The following LRMDA variants were observed in gnomAD, a reference collection of about 807,000 sequenced individuals.
LRMDA encodes leucine rich melanocyte differentiation associated, also known as leucine-rich melanocyte differentiation-associated protein.
Under a neutral mutation model 29.8 loss-of-function variants are expected in LRMDA, and 18 were observed. That is an observed-to-expected ratio of 0.60 (90% CI 0.42 to 0.90). The LOEUF (loss-of-function observed/expected upper bound fraction) is 0.90. LRMDA is among the 40% of genes least tolerant of loss of function. The pLI, the probability that LRMDA is intolerant of heterozygous loss-of-function variation, is 0.00. For missense variants in LRMDA, 273 were observed against 273.9 expected (o/e 1.00, Z 0.02); for synonymous variants, 125 against 109.4 (o/e 1.14, Z -0.89).
intron 2 of LRMDA, among the ~76,000 whole-genome samples, chr10:75,691,262 G>GTATATATA (rs3041681): frequency 7.1e-6 from 1 of 141,088 alleles, no homozygotes; most frequent in African/African-American, 2.6e-5. Flanking sequence ...ATGTATATGT[G>GTATATATA]TATATATATA....
intron 2 of LRMDA, among the ~76,000 whole-genome samples, chr10:75,863,311 C>A (rs1844963759): frequency 6.6e-6 from 1 of 152,166 alleles, no homozygotes; most frequent in African/African-American, 2.4e-5. Context: ...TTTAATCTGT[C>A]TGCACATATA....
chr10:76,520,513 C>T (rs1267336477), intron 6 of LRMDA, among the ~76,000 whole-genome samples: 1 of 152,038 alleles, frequency 6.6e-6, no homozygotes, highest in Non-Finnish European at 1.5e-5. Flanking sequence ...CTTGTCCAAT[C>T]TCTGATATAT....
chr10:75,444,604 A>G (rs1004100920), intron 2 of LRMDA, among the ~76,000 whole-genome samples: 1 of 152,218 alleles, frequency 6.6e-6, no homozygotes, highest in African/African-American at 2.4e-5. Flanking sequence ...GGCAGGGGGC[A>G]TGACATTTTG....
chr10:76,276,692 T>C (rs1418300084), intron 5 of LRMDA, among the ~76,000 whole-genome samples: 1 of 152,240 alleles, frequency 6.6e-6, no homozygotes, highest in East Asian at 1.9e-4. Context: ...GTATATTTAG[T>C]AATTTTTGGC....
At chr10:76,059,479 T>A (rs960647771) in intron 5 of LRMDA, among the ~76,000 whole-genome samples, 1 of 152,188 alleles carries the variant, frequency 6.6e-6, no homozygotes, top group Non-Finnish European at 1.5e-5. Context: ...GACTATCTCT[T>A]TGGGAGGAGT....
chr10:75,862,425 C>T (rs1487966124), intron 2 of LRMDA, among the ~76,000 whole-genome samples: 1 of 152,156 alleles, frequency 6.6e-6, no homozygotes, highest in Non-Finnish European at 1.5e-5. Flanking sequence ...CATTAGGGCA[C>T]AGTCCCTTCC....
intron 6 of LRMDA, among the ~76,000 whole-genome samples, chr10:76,530,171 TGCA>T (rs970977250): frequency 6.6e-6 from 1 of 152,176 alleles, no homozygotes; most frequent in African/African-American, 2.4e-5. Flanking sequence ...CCAACTGGAA[TGCA>T]GGAAGAGTCT....
intron 5 of LRMDA, among the ~76,000 whole-genome samples, chr10:76,140,187 G>A (rs549114568): frequency 3.3e-5 from 5 of 152,020 alleles, no homozygotes; most frequent in Non-Finnish European, 7.4e-5. Flanking sequence ...GAGAAGCGCC[G>A]ACAACAGAAT....
intron 4 of LRMDA, among the ~76,000 whole-genome samples, chr10:76,047,769 C>G (rs898974283): frequency 6.6e-6 from 1 of 152,198 alleles, no homozygotes; most frequent in African/African-American, 2.4e-5. Flanking sequence ...TCAGAGTCAT[C>G]TTGAAGAGAG....
At chr10:76,397,194 G>A (rs977305620) in intron 6 of LRMDA, among the ~76,000 whole-genome samples, 7 of 152,126 alleles carry the variant, frequency 4.6e-5, no homozygotes, top group East Asian at 1.9e-4. Flanking sequence ...GGAGGGAATC[G>A]GTCAAGCCAT....
At chr10:75,798,390 C>T (rs148946431) in intron 2 of LRMDA, among the ~76,000 whole-genome samples, 11 of 152,002 alleles carry the variant, frequency 7.2e-5, no homozygotes, top group East Asian at 1.9e-4. Flanking sequence ...AAATCCCTGC[C>T]GAGGTCATGA....
intron 2 of LRMDA, among the ~76,000 whole-genome samples, chr10:75,476,606 CTG>C (rs919136154): frequency 8.5e-5 from 13 of 152,290 alleles, no homozygotes; most frequent in African/African-American, 3.1e-4. Flanking sequence ...AAACTGGTGT[CTG>C]TAGAATCTAG....
intron 2 of LRMDA, among the ~76,000 whole-genome samples, chr10:75,765,616 A>G (rs551915972): frequency 6.6e-6 from 1 of 152,040 alleles, no homozygotes; most frequent in Admixed American, 6.5e-5. Flanking sequence ...CACAATTAGC[A>G]TTCTGTGCAG....
intron 2 of LRMDA, among the ~76,000 whole-genome samples, chr10:75,668,380 T>G (rs182982713): frequency 1.4e-4 from 21 of 152,288 alleles, no homozygotes; most frequent in African/African-American, 5.1e-4. Flanking sequence ...CATGAAGGTG[T>G]ATCTTAATTG....
intron 2 of LRMDA, among the ~76,000 whole-genome samples, chr10:75,999,583 A>G (rs192989686): frequency 1.3e-5 from 2 of 152,206 alleles, no homozygotes; most frequent in Non-Finnish European, 2.9e-5. Flanking sequence ...TAAGTCCCCA[A>G]TCTAGGAGTT....
chr10:75,464,947 G>T (rs1844630956), intron 2 of LRMDA, among the ~76,000 whole-genome samples: 3 of 152,156 alleles, frequency 2.0e-5, no homozygotes, highest in Non-Finnish European at 4.4e-5. Flanking sequence ...GATGAAACTG[G>T]TATTTTGCTG....
intron 2 of LRMDA, among the ~76,000 whole-genome samples, chr10:76,017,169 G>C (rs1202429681): frequency 6.6e-6 from 1 of 152,246 alleles, no homozygotes; most frequent in Non-Finnish European, 1.5e-5. Flanking sequence ...ACACATGTGT[G>C]GGGCGGACGC....
chr10:75,949,910 G>A (rs1210210174), intron 2 of LRMDA, among the ~76,000 whole-genome samples: 2 of 152,118 alleles, frequency 1.3e-5, no homozygotes, highest in Non-Finnish European at 2.9e-5. Context: ...TACTACCAAG[G>A]CTGCCATGTG....
At chr10:76,547,753 G>C (rs187807089) in intron 6 of LRMDA, among the ~76,000 whole-genome samples, 7 of 152,226 alleles carry the variant, frequency 4.6e-5, no homozygotes, top group African/African-American at 1.7e-4. Flanking sequence ...TGTCCGCTTT[G>C]ACTGACAGCC....
Sources: allele counts gnomAD v4.1 joint callset (sites outside exome capture counted in the v4.1 genomes callset), GRCh38; gene constraint gnomAD v4.1.1; transcripts MANE v1.5; gene names NCBI Gene and HGNC (gene_info 2026-07-23, HGNC 2026-07-21).